ERN1: variants seen among roughly 807,000 people sequenced by gnomAD.
ERN1 encodes serine/threonine-protein kinase/endoribonuclease IRE1.
A neutral mutation model predicts 113.1 loss-of-function variants in ERN1; 39 were observed. The observed-to-expected ratio is 0.34, with a 90% CI of 0.27 to 0.45. ERN1 has a LOEUF of 0.45. ERN1 is among the 20% of genes least tolerant of loss of function. The pLI is 1.00. For missense variants in ERN1, 976 were observed against 1,274.8 expected, an observed-to-expected ratio of 0.77 and a Z score of 3.57; for synonymous variants, 507 against 515.9, an observed-to-expected ratio of 0.98 and a Z score of 0.23.
Position 64,129,990 on chromosome 17 carries a change from GC to G in ERN1, c.39del (p.Leu14CysfsTer13). The G allele has an allele frequency of 6.9e-7, 1 of 1,449,296 alleles. No individual in the cohort carries two copies. Among genetic ancestry groups the G allele is most frequent in the South Asian group, 1.4e-5 (1 of 73,838 alleles). The allele number at this position is 1,449,296 out of a possible 1,614,324, so 89.8% of individuals were successfully genotyped here. A position where few individuals can be genotyped will look rare whatever the true frequency, so the allele number is the denominator to read the frequency against. ...ARRLLLLLTL[L>X]LPGLGIFGST... ...CGGTCACTCACCCCGAGGCCGGGCAGCAGCAGCGTCAGCAGCAGCAGCAGCC... is the reference window on the plus strand; with the variant it reads ...CGGTCACTCACCCCGAGGCCGGGCAGAGCAGCGTCAGCAGCAGCAGCAGCC... On this transcript the variant is annotated frameshift_variant, in exon 1 of 22. Transcript: ENST00000433197. LOFTEE classifies it high-confidence loss of function.
At chr17:64,056,360 G>A (rs1404086660) in intron 12 of ERN1, among the ~76,000 whole-genome samples, 6 of 152,208 alleles carry the variant, frequency 3.9e-5, no homozygotes, top group Non-Finnish European at 5.9e-5. Flanking sequence ...CCCCAGGTTC[G>A]CCACCCACCG....
At position 64,048,935 on chromosome 17, in the gene ERN1, G is replaced by A. The variant is rs1320434103; in HGVS notation, c.2401+120C>T. 8 of 1,032,932 alleles carry A rather than the reference G, an allele frequency of 7.7e-6. No homozygotes were observed. The Admixed American group carries it at 1.1e-4, about 14-fold the overall frequency. 64.0% of individuals were successfully genotyped at this position (1,032,932 alleles called of 1,614,324 possible). On this transcript the variant is annotated intron_variant, in intron 18 of 21. Coordinates refer to ENST00000433197, the MANE Select transcript of ERN1 (RefSeq NM_001433.5). The stretch of plus-strand genomic sequence containing the variant: ...CAAGTCTGGAGGTCCTGAGGCCTGC[G>A]GGGTGAGCAGCTGGGGCACCACGGC...
chr17:64,067,527 G>A (rs1208491325), intron 7 of ERN1, among the ~76,000 whole-genome samples: 3 of 151,474 alleles, frequency 2.0e-5, no homozygotes, highest in African/African-American at 7.3e-5. Flanking sequence ...AAGATCGCTT[G>A]AGCCTAGGAG....
rs892570275 is a variant in ERN1, at chr17:64,119,811, C to T, written c.54+10165G>A. Among the ~76,000 whole-genome samples, 11 of 152,190 alleles carry T rather than the reference C, an allele frequency of 7.2e-5. No individual in the cohort carries two copies. In the South Asian group the frequency reaches 1.5e-3, roughly 20 times the overall value. On this transcript the variant is annotated intron_variant, in intron 1 of 21. Coordinates refer to ENST00000433197, the MANE Select transcript of ERN1 (RefSeq NM_001433.5). ...TCTAGTCTGGTCCCGTGCTCTGTGA[C>T]GTGACTGGGAATTTGGAGATGCATT... is the stretch of plus-strand genomic sequence containing the variant.
At chr17:64,118,283 G>A (rs1447718740) in intron 1 of ERN1, among the ~76,000 whole-genome samples, 3 of 152,096 alleles carry the variant, frequency 2.0e-5, no homozygotes, top group Admixed American at 6.5e-5. Flanking sequence ...CAGAACCTCC[G>A]GACTCTCACT....
chr17:64,045,857 G>A (rs196919), intron 19 of ERN1, among the ~76,000 whole-genome samples: 3,523 of 152,270 alleles, frequency 0.023, 57 homozygotes, highest in Non-Finnish European at 0.037. Flanking sequence ...TGTGCATCCC[G>A]TGCTTTGTCT....
intron 8 of ERN1, among the ~76,000 whole-genome samples, chr17:64,065,653 C>T (rs1032808546): frequency 2.6e-5 from 4 of 152,170 alleles, no homozygotes; most frequent in Admixed American, 6.5e-5. Context: ...CTACAACACA[C>T]TTTCACTCCA....
chr17:64,128,426 C>A (rs1042555958), intron 1 of ERN1, among the ~76,000 whole-genome samples: 1 of 152,252 alleles, frequency 6.6e-6, no homozygotes, highest in South Asian at 2.1e-4. Flanking sequence ...GAAATATTTA[C>A]ACGAACTGAA....
rs1350765938 is a variant in ERN1, at chr17:64,044,515, G to A, written c.2722-315C>T. 2.0e-5 allele frequency among the ~76,000 whole-genome samples: 3 copies of A among 152,178 alleles called. No individual in the cohort carries two copies. The highest frequency in any genetic ancestry group is 4.4e-5 in the Non-Finnish European group (3 of 68,034). On this transcript the variant is annotated intron_variant, in intron 21 of 21. Coordinates refer to ENST00000433197, the MANE Select transcript of ERN1 (RefSeq NM_001433.5). The surrounding 1 kb of genome is among the most constrained non-coding windows in gnomAD (Gnocchi z 4.1). Reference sequence around the variant, plus strand: ...AAAGTCGCCTGAGATTGGAGTGTCCGTCCCAGTGGGGTCCCCGCATTTGAG... The same window carrying A: ...AAAGTCGCCTGAGATTGGAGTGTCCATCCCAGTGGGGTCCCCGCATTTGAG...
At chr17:64,120,550 T>G (rs2143503839) in intron 1 of ERN1, among the ~76,000 whole-genome samples, 1 of 152,314 alleles carries the variant, frequency 6.6e-6, no homozygotes, top group East Asian at 1.9e-4. Flanking sequence ...ACAAAGGAAG[T>G]CATGTTTAAT....
chr17:64,113,540 C>T (rs1357378136), intron 1 of ERN1, among the ~76,000 whole-genome samples: 13 of 151,324 alleles, frequency 8.6e-5, no homozygotes, highest in Admixed American at 3.9e-4. Flanking sequence ...GACAGAGTCT[C>T]GCTCTGTCAC....
intron 1 of ERN1, among the ~76,000 whole-genome samples, chr17:64,116,948 CAAA>C (rs536779884): frequency 7.8e-5 from 7 of 89,802 alleles, no homozygotes; most frequent in Admixed American, 2.4e-4. Context: ...ACTAAAAATA[CAAA>C]AAAAAAAAAA....
At position 64,073,377 on chromosome 17, in the gene ERN1, G is replaced by A. The variant is rs551932193; in HGVS notation, c.356-1274C>T. Among the ~76,000 whole-genome samples, 56 of 138,670 alleles carry A rather than the reference G, an allele frequency of 4.0e-4. 1 individual carries two copies. Among genetic ancestry groups the A allele is most frequent in the Middle Eastern group, 4.5e-3 (1 of 222 alleles). The allele number at this position is 138,670 out of a possible 152,430, so 91.0% of individuals were successfully genotyped here. On this transcript the variant is annotated intron_variant, in intron 5 of 21. Transcript: ENST00000433197. ...TTTTTAGTAGAGACAGGGTTTCACC[G>A]TGTTAGTCAGGATGGTCTCCATCTC...
Position 64,047,879 on chromosome 17 carries a change from C to T in ERN1, c.2508G>A (p.Glu836=). 1 of 1,612,328 alleles carries T rather than the reference C, an allele frequency of 6.2e-7. No individual in the cohort carries two copies. Among genetic ancestry groups the T allele is most frequent in the African/African-American group, 1.3e-5 (1 of 75,038 alleles). The change falls in exon 19 of 22, where the codon GAG becomes GAA. Residue 836 remains glutamate, a synonymous_variant. Coordinates refer to ENST00000433197, the MANE Select transcript of ERN1 (RefSeq NM_001433.5). ...CTACCTGGAAGAACTGGAGCTGCTTCTCTAGGCTCCAGAAGAACGGGTGTT... is the reference window on the plus strand; with the variant it reads ...CTACCTGGAAGAACTGGAGCTGCTTTTCTAGGCTCCAGAAGAACGGGTGTT... ...VLKHPFFWSL[E]KQLQFFQDVS...
chr17:64,064,870 A>G (rs1276079006), intron 9 of ERN1, among the ~76,000 whole-genome samples: 2 of 152,180 alleles, frequency 1.3e-5, no homozygotes, highest in Non-Finnish European at 2.9e-5. Context: ...GAAGGTGCAC[A>G]TGGTTGGGCC....
intron 1 of ERN1, among the ~76,000 whole-genome samples, chr17:64,099,894 C>A (rs1914337414): frequency 6.6e-6 from 1 of 152,190 alleles, no homozygotes; most frequent in Admixed American, 6.5e-5. Context: ...GGGCCCACTC[C>A]CTGGAATGGG....
intron 1 of ERN1, chr17:64,098,571 A>G (rs761807003): frequency 2.5e-5 from 14 of 561,962 alleles, no homozygotes; most frequent in South Asian, 1.9e-4. Context: ...GGCCTATTCT[A>G]TTCTCTAAAA....
rs777806993 is a variant in ERN1 at position 64,119,376 on chromosome 17, G to GTTGTTTTTTTTTTTTTTTTTTTTTTTTTT, written c.54+10599_54+10600insAAAAAAAAAAAAAAAAAAAAAAAAAACAA. 5.1e-5 allele frequency among the ~76,000 whole-genome samples: 4 copies of GTTGTTTTTTTTTTTTTTTTTTTTTTTTTT among 77,896 alleles called. 1 individual carries two copies. Among genetic ancestry groups the GTTGTTTTTTTTTTTTTTTTTTTTTTTTTT allele is most frequent in the African/African-American group, 2.2e-4 (4 of 17,930 alleles). 51.1% of individuals were successfully genotyped at this position (77,896 alleles called of 152,430 possible). A position where few individuals can be genotyped will look rare whatever the true frequency, so the allele number is the denominator to read the frequency against. ...TAATATTAGGTTCCTTTTTTTCTAG[G>GTTGTTTTTTTTTTTTTTTTTTTTTTTTTT]TTTTTTTTTTTTTTTTTTTTTTTTT... On this transcript the variant is annotated intron_variant, in intron 1 of 21. Coordinates refer to ENST00000433197, the MANE Select transcript of ERN1 (RefSeq NM_001433.5).
chr17:64,125,479 ATGTTTTT>A (rs764191839), intron 1 of ERN1, among the ~76,000 whole-genome samples: 19 of 152,034 alleles, frequency 1.2e-4, no homozygotes, highest in African/African-American at 2.2e-4. Flanking sequence ...CAGAAGCTCA[ATGTTTTT>A]TGTTTTTTGT....
Sources: gnomAD v4.1 joint callset for allele counts (sites outside exome capture counted in the v4.1 genomes callset) on GRCh38, gnomAD v4.1.1 for gene constraint, Gnocchi (gnomAD v3.1) non-coding constraint, MANE v1.5 for transcripts, NCBI Gene and HGNC (gene_info 2026-07-23, HGNC 2026-07-21) for gene names.